Variants in PDE3A observed in about 807,000 individuals in gnomAD.
PDE3A encodes phosphodiesterase 3A.
Under a neutral mutation model 98.3 loss-of-function variants are expected in PDE3A, and 43 were observed. That is an observed-to-expected ratio of 0.44 (90% CI 0.34 to 0.56). PDE3A has a LOEUF of 0.56. Ranked by LOEUF, PDE3A falls within the 20% of genes least tolerant of loss-of-function variation. The pLI, the probability that PDE3A is intolerant of heterozygous loss-of-function variation, is 0.01. For missense variants in PDE3A, 1,427 were observed against 1,440.7 expected, an observed-to-expected ratio of 0.99 and a Z score of 0.15; for synonymous variants, 663 against 567.9, an observed-to-expected ratio of 1.17 and a Z score of -2.38.
In PDE3A at chr12:20,650,610, C is replaced by T; in HGVS notation, c.2925+10C>T. The T allele has an allele frequency of 6.3e-7, 1 of 1,583,724 alleles. No individual in the cohort carries two copies. Among genetic ancestry groups the T allele is most frequent in the Non-Finnish European group, 8.7e-7 (1 of 1,154,058 alleles). On this transcript the variant is annotated intron_variant, in intron 14 of 15. Coordinates refer to ENST00000359062, the MANE Select transcript of PDE3A (RefSeq NM_000921.5). Reference sequence around the variant, plus strand: ...TGAATTTTATGAACAGGTAACTGACCACTGTTTAATACAGCTTAATCTGTA... The same window carrying T: ...TGAATTTTATGAACAGGTAACTGACTACTGTTTAATACAGCTTAATCTGTA...
At chr12:20,665,178 G>C (rs1221942072) in intron 15 of PDE3A, among the ~76,000 whole-genome samples, 1 of 152,056 alleles carries the variant, frequency 6.6e-6, no homozygotes, top group African/African-American at 2.4e-5. Context: ...TTTCCTACTA[G>C]AGTAAAAGCC....
intron 2 of PDE3A, among the ~76,000 whole-genome samples, chr12:20,591,295 G>A (rs1270443533): frequency 6.6e-6 from 1 of 152,200 alleles, no homozygotes; most frequent in Non-Finnish European, 1.5e-5. Context: ...ACAGTATACA[G>A]CCAATGTACA....
intron 1 of PDE3A, among the ~76,000 whole-genome samples, chr12:20,412,920 A>G (rs12297116): frequency 0.068 from 10,376 of 152,254 alleles, 1,084 homozygotes; most frequent in African/African-American, 0.22. Flanking sequence ...GAGGGAGTGC[A>G]TGTTTTAAAG....
At chr12:20,444,552 A>G (rs10841528) in intron 1 of PDE3A, among the ~76,000 whole-genome samples, 53,771 of 152,184 alleles carry the variant, frequency 0.35, 9,945 homozygotes, top group Non-Finnish European at 0.4. Flanking sequence ...TATGTTCCCT[A>G]TATGTAGCAG....
At chr12:20,672,199 G>T (rs969858386) in intron 15 of PDE3A, among the ~76,000 whole-genome samples, 1 of 141,690 alleles carries the variant, frequency 7.1e-6, no homozygotes, top group Admixed American at 7.1e-5. Context: ...AATAAAAGAG[G>T]ATAAAAACAA....
chr12:20,398,618 A>G (rs1944064704), intron 1 of PDE3A, among the ~76,000 whole-genome samples: 1 of 152,100 alleles, frequency 6.6e-6, no homozygotes, highest in Non-Finnish European at 1.5e-5. Context: ...GGCCTTCATT[A>G]TAGCCCATGT....
intron 15 of PDE3A, among the ~76,000 whole-genome samples, chr12:20,654,904 C>T (rs1945008534): frequency 6.6e-6 from 1 of 152,014 alleles, no homozygotes; most frequent in African/African-American, 2.4e-5. Context: ...AGGGGAACTC[C>T]ATGTGAATAG....
intron 4 of PDE3A, among the ~76,000 whole-genome samples, chr12:20,617,055 TCTTA>T (rs1028137343): frequency 2.6e-5 from 4 of 152,190 alleles, no homozygotes; most frequent in African/African-American, 4.8e-5. Context: ...ATTATACTTA[TCTTA>T]CTTTATTCAA....
At position 20,370,205 on chromosome 12, in the gene PDE3A, C is replaced by T. The variant is rs758518110; in HGVS notation, c.921C>T (p.Ser307=). Residue 307 remains serine, a synonymous_variant, in exon 1 of 16, where the codon TCC becomes TCT. Transcript: ENST00000359062. ...SAEMSGCSSK[S]HRRTSLPCIP... ...AGATGTCCGGCTGCAGCAGCAAGTC[C>T]CATCGGAGGACCTCCCTGCCCTGTA... The T allele has an allele frequency of 5.0e-6, 8 of 1,604,510 alleles. No homozygotes were observed. Among genetic ancestry groups the T allele is most frequent in the Middle Eastern group, 1.7e-4 (1 of 5,988 alleles).
intron 1 of PDE3A, among the ~76,000 whole-genome samples, chr12:20,400,085 A>G (rs1944093657): frequency 6.7e-6 from 1 of 150,140 alleles, no homozygotes; most frequent in Non-Finnish European, 1.5e-5. Flanking sequence ...ATCCATTAGT[A>G]GATACTTTAA....
At chr12:20,541,504 G>T (rs1941910115) in intron 1 of PDE3A, among the ~76,000 whole-genome samples, 1 of 152,040 alleles carries the variant, frequency 6.6e-6, no homozygotes, top group African/African-American at 2.4e-5. Flanking sequence ...TCTTGTACTT[G>T]TGGTAGGAAT....
At chr12:20,600,749 T>C (rs951457542) in intron 2 of PDE3A, among the ~76,000 whole-genome samples, 2 of 152,184 alleles carry the variant, frequency 1.3e-5, no homozygotes, top group Non-Finnish European at 2.9e-5. Context: ...TGTTAAATAA[T>C]AGTTTTTAAT....
At chr12:20,457,935 A>G (rs775439687) in intron 1 of PDE3A, among the ~76,000 whole-genome samples, 11 of 152,240 alleles carry the variant, frequency 7.2e-5, no homozygotes, top group Middle Eastern at 6.8e-3. Flanking sequence ...TTATTTATAC[A>G]GTTAGATATT....
intron 2 of PDE3A, among the ~76,000 whole-genome samples, chr12:20,569,218 C>T (rs1417300460): frequency 6.6e-6 from 1 of 151,922 alleles, no homozygotes; most frequent in Non-Finnish European, 1.5e-5. Context: ...AAAAATCATC[C>T]CTATGATGGT....
intron 2 of PDE3A, among the ~76,000 whole-genome samples, chr12:20,578,295 G>T (rs1380793908): frequency 2.6e-5 from 4 of 152,080 alleles, no homozygotes; most frequent in African/African-American, 9.7e-5. Context: ...AAACAGGGAG[G>T]TTGATTTGTT....
intron 2 of PDE3A, among the ~76,000 whole-genome samples, chr12:20,562,083 TC>T (rs1434282183): frequency 2.6e-5 from 4 of 152,222 alleles, no homozygotes; most frequent in Non-Finnish European, 5.9e-5. Flanking sequence ...CTGGCAGTGT[TC>T]CCAGTAATAC....
rs570328857 is a variant in PDE3A, at chr12:20,616,241, G to C, written c.1281G>C (p.Arg427Ser). Residue 427 changes from arginine (R) to serine (S), a missense_variant, in exon 4 of 16, where the codon AGG becomes AGC. By Grantham distance (110) the Arg-to-Ser change is moderately radical. This residue lies in a region of PDE3A where 1,012 missense variants were observed against 886.5 expected (regional missense o/e 1.14). Transcript: ENST00000359062. Reference sequence around the variant, plus strand: ...AGTCTCTTTCCTAGCGCCTGAGAAGGAGTTTGCCTCCTGGCTTGTTGAGAC... The same window carrying C: ...AGTCTCTTTCCTAGCGCCTGAGAAGCAGTTTGCCTCCTGGCTTGTTGAGAC... The part of the protein sequence containing the change: ...DKLAIPKRLR[R>S]SLPPGLLRRV... The C allele has an allele frequency of 6.2e-7, 1 of 1,613,798 alleles. No homozygotes were observed. The highest frequency in any genetic ancestry group is 1.1e-5 in the South Asian group (1 of 91,052).
intron 2 of PDE3A, among the ~76,000 whole-genome samples, chr12:20,596,682 T>C (rs1943475577): frequency 1.3e-5 from 2 of 152,170 alleles, no homozygotes; most frequent in African/African-American, 4.8e-5. Context: ...AGTGGCATTT[T>C]TCTTGATGGA....
intron 1 of PDE3A, among the ~76,000 whole-genome samples, chr12:20,461,867 A>G (rs1231191801): frequency 6.6e-6 from 1 of 152,226 alleles, no homozygotes; most frequent in Non-Finnish European, 1.5e-5. Context: ...ATGGCTTATT[A>G]TTATCTCTCT....
Sources: gnomAD v4.1 joint callset for allele counts (sites outside exome capture counted in the v4.1 genomes callset) on GRCh38, gnomAD v4.1.1 for gene constraint, gnomAD v4.1.1 regional missense constraint, MANE v1.5 for transcripts, NCBI Gene and HGNC (gene_info 2026-07-23, HGNC 2026-07-21) for gene names.